The following KIF7 variants were observed in gnomAD, a reference collection of about 807,000 sequenced individuals.
The protein encoded by KIF7 is kinesin-like protein KIF7.
Under a neutral mutation model 135.7 loss-of-function variants are expected in KIF7, and 104 were observed. The observed-to-expected ratio is 0.77, with a 90% CI of 0.65 to 0.90. KIF7 has a LOEUF of 0.90. KIF7 is among the 40% of genes least tolerant of loss of function. The probability of loss-of-function intolerance (pLI) is 0.00; values close to 1 mark genes in which losing one functional copy is unlikely to be tolerated. For missense variants in KIF7, 2,005 were observed against 1,839.1 expected (o/e 1.09, Z -1.65); for synonymous variants, 883 against 809.4 (o/e 1.09, Z -1.54).
At chr15:89,629,264 G>T in intron 17 of KIF7, 111 bp downstream of exon 17, 1 of 1,208,988 alleles carries the variant, frequency 8.3e-7, no homozygotes, top group Non-Finnish European at 1.1e-6. Flanking sequence ...AGGTGCAGGG[G>T]CTGTGAGTGG....
chr15:89,649,515 C>G, intron 3 of KIF7, 148 bp from the exon 4 acceptor site: 1 of 1,089,146 alleles, frequency 9.2e-7, no homozygotes, highest in African/African-American at 1.6e-5. Flanking sequence ...CTTCCTAGTT[C>G]CGGCTTGAGG....
intron 1 of KIF7, among the ~76,000 whole-genome samples, chr15:89,620,813 C>G (rs548614905): frequency 3.3e-5 from 5 of 152,074 alleles, no homozygotes; most frequent in African/African-American, 1.2e-4. Flanking sequence ...AGCTCTGCCT[C>G]CCGGGTTCAT....
rs369966101 is a variant in KIF7, at chr15:89,633,929, G to A, written c.2395-46C>T. The A allele has an allele frequency of 4.4e-5, 71 of 1,600,576 alleles. No individual in the cohort carries two copies. In the African/African-American group the frequency reaches 6.8e-4, roughly 15 times the overall value. On this transcript the variant is annotated intron_variant, in intron 11 of 18. Transcript: ENST00000394412. ...ACTGGGCCATGCACGGGGCTACCGC[G>A]AGCCTGCCATAGTGCTGGGCACTCA...
rs144493884 is a variant in KIF7 at position 89,631,545 on chromosome 15, G to A, written c.3061C>T (p.Arg1021Cys). Residue 1021 changes from arginine (R) to cysteine (C), a missense_variant, in exon 15 of 19, where the codon CGC becomes TGC. Arg to Cys is a radical substitution (Grantham distance 180). Transcript: ENST00000394412. ...RQEKDSLLKQ[R>C]LEIDGKLRQG... ...CTCAGCTTGCCGTCGATCTCCAGGCGCTGCTTGAGCAGCGAGTCCTTCTCC... is the reference window on the plus strand; with the variant it reads ...CTCAGCTTGCCGTCGATCTCCAGGCACTGCTTGAGCAGCGAGTCCTTCTCC... 1.6e-4 allele frequency: 258 copies of A among 1,582,566 alleles called. 1 individual carries two copies. The highest frequency in any genetic ancestry group is 2.0e-4 in the Non-Finnish European group (235 of 1,163,382).
upstream of KIF7, among the ~76,000 whole-genome samples, chr15:89,655,902 A>C (rs906393773): frequency 2.6e-5 from 4 of 152,162 alleles, no homozygotes; most frequent in Non-Finnish European, 4.4e-5. Flanking sequence ...TTGTCAAGGG[A>C]AACTTGGCAC....
intron 2 of KIF7, among the ~76,000 whole-genome samples, chr15:89,617,497 A>G (rs533383924): frequency 3.3e-5 from 5 of 152,266 alleles, no homozygotes; most frequent in Non-Finnish European, 7.3e-5. Flanking sequence ...TCCAAAAAAT[A>G]AAAGCAAAAC....
At chr15:89,653,742 T>TTATTAGTATTAG (rs67242272) in intron 1 of KIF7, among the ~76,000 whole-genome samples, 214 of 149,880 alleles carry the variant, frequency 1.4e-3, no homozygotes, top group African/African-American at 4.1e-3. Context: ...GCTAATTTTA[T>TTATTAGTATTAG]TATTAGTATT....
rs1410298399 is a variant in KIF7 at position 89,628,754 on chromosome 15, T to C, written c.3697A>G (p.Arg1233Gly). ...GEKRSLCSEG[R>G]QAPGNEDELH... The stretch of plus-strand genomic sequence containing the variant: ...TCATCTTCATTTCCAGGAGCCTGTC[T>C]GCCCTCCGAGCACAGGCTCCTCTTC... The change falls in exon 19 of 19, where the codon AGA becomes GGA. Residue 1233 changes from arginine (R) to glycine (G), a missense_variant. Transcript: ENST00000394412. 6 of 1,612,388 alleles carry C rather than the reference T, an allele frequency of 3.7e-6. No individual in the cohort carries two copies. Among genetic ancestry groups the C allele is most frequent in the Non-Finnish European group, 5.1e-6 (6 of 1,179,974 alleles).
At chr15:89,617,855 C>G (rs1963360342) in intron 2 of KIF7, among the ~76,000 whole-genome samples, 1 of 152,124 alleles carries the variant, frequency 6.6e-6, no homozygotes, top group Non-Finnish European at 1.5e-5. Flanking sequence ...CCACGCCCAG[C>G]TAATTTTTGT....
intron 1 of KIF7, chr15:89,619,909 G>C: frequency 6.5e-7 from 1 of 1,533,034 alleles, no homozygotes; most frequent in Non-Finnish European, 8.8e-7. Flanking sequence ...TTTGGGAAAA[G>C]AAGCAAGAAA....
intron 15 of KIF7, 42 bp from the exon 16 acceptor site, chr15:89,630,535 T>C: frequency 6.7e-7 from 1 of 1,482,214 alleles, no homozygotes; most frequent in Non-Finnish European, 9.2e-7. Context: ...ACCCACTGCC[T>C]GAATGCTGAA....
At chr15:89,650,616 A>G (rs1478989294) in intron 2 of KIF7, among the ~76,000 whole-genome samples, 1 of 151,816 alleles carries the variant, frequency 6.6e-6, no homozygotes, top group Non-Finnish European at 1.5e-5. Flanking sequence ...CCGGTCTCAA[A>G]CTCCTGACCT....
intron 1 of KIF7, chr15:89,621,412 A>T (rs763791089): frequency 1.3e-5 from 21 of 1,595,428 alleles, no homozygotes; most frequent in Non-Finnish European, 1.6e-5. Flanking sequence ...AAAATTCTCC[A>T]GTCCAAAGTA....
In KIF7 at chr15:89,641,785, A is replaced by G. The variant is rs547399620; in HGVS notation, c.2394+418T>C. On this transcript the variant is annotated intron_variant, in intron 11 of 18. Coordinates refer to ENST00000394412, the MANE Select transcript of KIF7 (RefSeq NM_198525.3). The stretch of plus-strand genomic sequence containing the variant: ...CACTGTACTCCAGCCTGGGCAACAG[A>G]GTGAGACTCTGTCTCAAAGAAAGAC... Among the ~76,000 whole-genome samples, 103 of 152,276 alleles carry G rather than the reference A, an allele frequency of 6.8e-4. 1 individual carries two copies. The Middle Eastern group carries it at 0.01, about 15-fold the overall frequency.
At position 89,629,065 on chromosome 15, in the gene KIF7, G is replaced by A; in HGVS notation, c.3575C>T (p.Ala1192Val). The A allele has an allele frequency of 6.2e-7, 1 of 1,613,316 alleles. No homozygotes were observed. The highest frequency in any genetic ancestry group is 1.1e-5 in the South Asian group (1 of 91,042). ...SRRQYEARIQ[A>V]LEKELGRYMW... Reference sequence around the variant, plus strand: ...GTAACGGCCCAGTTCCTTCTCCAGAGCTTGAATCCGGGCCTCATACTGCCT... The same window carrying A: ...GTAACGGCCCAGTTCCTTCTCCAGAACTTGAATCCGGGCCTCATACTGCCT... Residue 1192 changes from alanine (A) to valine (V), a missense_variant, in exon 18 of 19, where the codon GCT (alanine) becomes GTT (valine). Coordinates refer to ENST00000394412, the MANE Select transcript of KIF7 (RefSeq NM_198525.3).
the KIF7 span, among the ~76,000 whole-genome samples, chr15:89,661,122 C>G: frequency 6.6e-6 from 1 of 152,180 alleles, no homozygotes; most frequent in African/African-American, 2.4e-5. Context: ...CAAAAGCTGA[C>G]TAGTATACAT....
chr15:89,646,864 G>C lies in KIF7; in HGVS notation c.1754C>G (p.Pro585Arg), dbSNP rs1213467135. 1 of 1,614,110 alleles carries C rather than the reference G, an allele frequency of 6.2e-7. No individual in the cohort carries two copies. Among genetic ancestry groups the C allele is most frequent in the South Asian group, 1.1e-5 (1 of 91,086 alleles). ...CTGCTCAGAGCCAACTTCATCTCCA[G>C]GGAGGCAGGCAGGCGGCACCATGCC... ...VLGMVPPACL[P>R]GDEVGSEQRG... Residue 585 changes from proline (P) to arginine (R), a missense_variant, in exon 7 of 19, where the codon CCT becomes CGT. Pro to Arg is a moderately radical substitution (Grantham distance 103). Transcript: ENST00000394412.
intron 15 of KIF7, chr15:89,631,132 TGCTCA>T (rs1963665118): frequency 3.6e-6 from 1 of 279,602 alleles, no homozygotes; most frequent in Admixed American, 4.8e-5. Flanking sequence ...GCTTTCTCTC[TGCTCA>T]GGGAACACAG....
At chr15:89,623,971 G>C, downstream of KIF7, 3 of 1,613,926 alleles carry the variant, frequency 1.9e-6, no homozygotes, top group Non-Finnish European at 1.7e-6. Context: ...TTCCAGTCCA[G>C]AAAGCCCCTC....
Sources: gnomAD v4.1 joint callset for allele counts (sites outside exome capture counted in the v4.1 genomes callset) on GRCh38, gnomAD v4.1.1 for gene constraint, MANE v1.5 for transcripts, NCBI Gene and HGNC (gene_info 2026-07-23, HGNC 2026-07-21) for gene names.